CLVS1: variants seen among roughly 807,000 people sequenced by gnomAD.
CLVS1 encodes clavesin 1.
Under a neutral mutation model 33.1 loss-of-function variants are expected in CLVS1, and 10 were observed. The ratio of observed to expected loss-of-function variants is 0.30; its 90% CI spans 0.19 to 0.51. The LOEUF is 0.51. Among genes scored for constraint, CLVS1 ranks in the 20% least tolerant of loss-of-function variants. CLVS1 has a pLI of 0.97. For missense variants in CLVS1, 343 were observed against 433.4 expected (o/e 0.79, Z 1.85); for synonymous variants, 163 against 166.1 (o/e 0.98, Z 0.14).
chr8:60,985,460 A>T, the CLVS1 span, among the ~76,000 whole-genome samples: 1 of 151,812 alleles, frequency 6.6e-6, no homozygotes, highest in Non-Finnish European at 1.5e-5. Flanking sequence ...CTCCAAATGG[A>T]CTTTGTCCAC....
chr8:61,202,215 T>A, intron 2 of CLVS1: 1 of 453,546 alleles, frequency 2.2e-6, no homozygotes. Context: ...ATAAAGTACA[T>A]TGATTTCTTT....
intron 2 of CLVS1, among the ~76,000 whole-genome samples, chr8:61,224,778 C>T (rs116747299): frequency 0.013 from 1,966 of 152,212 alleles, 50 homozygotes; most frequent in African/African-American, 0.045. Flanking sequence ...GTAAAGGAAT[C>T]GATTCAACAG....
At chr8:61,181,347 G>C (rs1807224088) in intron 2 of CLVS1, among the ~76,000 whole-genome samples, 1 of 152,058 alleles carries the variant, frequency 6.6e-6, no homozygotes, top group African/African-American at 2.4e-5. Context: ...CAAACAAATG[G>C]AAAAACATTC....
chr8:61,143,220 G>A (rs930130888), intron 2 of CLVS1, among the ~76,000 whole-genome samples: 7 of 152,108 alleles, frequency 4.6e-5, no homozygotes, highest in African/African-American at 1.7e-4. Context: ...TACACTTGAG[G>A]CTAGACAGGT....
chr8:61,270,943 T>C (rs1348432084), intron 2 of CLVS1, among the ~76,000 whole-genome samples: 1 of 151,836 alleles, frequency 6.6e-6, no homozygotes, highest in African/African-American at 2.4e-5. Context: ...CTATCAATTT[T>C]GTTGATCCTG....
intron 5 of CLVS1, among the ~76,000 whole-genome samples, chr8:61,459,837 G>A (rs903501069): frequency 3.3e-5 from 5 of 152,150 alleles, no homozygotes; most frequent in African/African-American, 1.2e-4. Flanking sequence ...TTTTCTTACA[G>A]TTCTGAAGGT....
intron 2 of CLVS1, among the ~76,000 whole-genome samples, chr8:61,323,024 G>A (rs1021124466): frequency 6.6e-6 from 1 of 151,986 alleles, no homozygotes; most frequent in African/African-American, 2.4e-5. Context: ...TACTTTATAG[G>A]CACCTAAGGA....
intron 2 of CLVS1, among the ~76,000 whole-genome samples, chr8:61,261,871 A>T (rs1809209073): frequency 6.6e-6 from 1 of 152,210 alleles, no homozygotes; most frequent in Admixed American, 6.5e-5. Context: ...TAAGACAGTG[A>T]GGACTCCATG....
chr8:61,215,244 A>C (rs1178733860), intron 2 of CLVS1, among the ~76,000 whole-genome samples: 1 of 152,190 alleles, frequency 6.6e-6, no homozygotes, highest in Non-Finnish European at 1.5e-5. Flanking sequence ...TTTATTTTTA[A>C]GCTGTATTAA....
intron 3 of CLVS1, among the ~76,000 whole-genome samples, chr8:61,409,640 T>C (rs570229137): frequency 6.6e-6 from 1 of 152,336 alleles, no homozygotes; most frequent in East Asian, 1.9e-4. Context: ...TTTGCACATG[T>C]ACAATTATCT....
intron 1 of CLVS1, among the ~76,000 whole-genome samples, chr8:61,070,949 G>A (rs1382093528): frequency 1.3e-5 from 2 of 152,152 alleles, no homozygotes; most frequent in African/African-American, 4.8e-5. Context: ...GTTTCTGTAG[G>A]TGCACCCTCT....
chr8:61,313,455 C>T (rs1810909028), intron 2 of CLVS1, among the ~76,000 whole-genome samples: 1 of 152,194 alleles, frequency 6.6e-6, no homozygotes, highest in Non-Finnish European at 1.5e-5. Context: ...TTCTGCTCAT[C>T]TTTCCAAGCT....
intron 1 of CLVS1, among the ~76,000 whole-genome samples, chr8:61,122,569 A>C (rs373476014): frequency 6.9e-6 from 1 of 144,532 alleles, no homozygotes; most frequent in Admixed American, 7.0e-5. Context: ...ATATTAAGAA[A>C]ACACACACAC....
intron 2 of CLVS1, among the ~76,000 whole-genome samples, chr8:61,340,182 C>A (rs769946099): frequency 6.6e-6 from 1 of 152,208 alleles, no homozygotes; most frequent in Non-Finnish European, 1.5e-5. Flanking sequence ...AACATTACCT[C>A]GCACATGTAG....
intron 2 of CLVS1, among the ~76,000 whole-genome samples, chr8:61,213,816 G>C (rs1316498166): frequency 6.6e-6 from 1 of 152,214 alleles, no homozygotes; most frequent in Non-Finnish European, 1.5e-5. Flanking sequence ...GGGAATAAGA[G>C]AGATAACCTT....
chr8:61,346,910 G>A (rs936282282), intron 2 of CLVS1, among the ~76,000 whole-genome samples: 9 of 152,242 alleles, frequency 5.9e-5, no homozygotes, highest in African/African-American at 2.2e-4. Flanking sequence ...ATCTAAAAGA[G>A]CAAGGGTTGT....
chr8:61,131,570 C>T (rs1048220762), intron 1 of CLVS1, among the ~76,000 whole-genome samples: 1 of 151,938 alleles, frequency 6.6e-6, no homozygotes, highest in African/African-American at 2.4e-5. Context: ...GGTTATTACA[C>T]AGGAAAACAT....
chr8:61,003,105 T>C, the CLVS1 span, among the ~76,000 whole-genome samples: 2 of 152,166 alleles, frequency 1.3e-5, no homozygotes, highest in African/African-American at 2.4e-5. Context: ...AAAATTCTGT[T>C]ACACTTGAGT....
At chr8:61,205,082 C>A (rs926601314) in intron 2 of CLVS1, among the ~76,000 whole-genome samples, 7 of 152,018 alleles carry the variant, frequency 4.6e-5, no homozygotes, top group African/African-American at 1.7e-4. Context: ...AATTCATAAA[C>A]CTAATTATGA....
Sources: gnomAD v4.1 joint callset for allele counts (sites outside exome capture counted in the v4.1 genomes callset) on GRCh38, gnomAD v4.1.1 for gene constraint, MANE v1.5 for transcripts, NCBI Gene and HGNC (gene_info 2026-07-23, HGNC 2026-07-21) for gene names.